Variants in AZI2 observed in about 807,000 individuals in gnomAD.
AZI2 encodes 5-azacytidine-induced protein 2.
Under a neutral mutation model 45.8 loss-of-function variants are expected in AZI2, and 22 were observed. That is an observed-to-expected ratio of 0.48 (90% CI 0.34 to 0.69). The LOEUF (loss-of-function observed/expected upper bound fraction) is 0.69. Ranked by LOEUF, AZI2 falls within the 30% of genes least tolerant of loss-of-function variation. The probability of loss-of-function intolerance (pLI) is 0.01; values close to 1 mark genes in which losing one functional copy is unlikely to be tolerated. For missense variants in AZI2, 417 were observed against 441.5 expected, an observed-to-expected ratio of 0.94 and a Z score of 0.50; for synonymous variants, 137 against 156.7, an observed-to-expected ratio of 0.87 and a Z score of 0.94.
chr3:28,324,543 C>A (rs1239664314), intron 7 of AZI2, 89 bp from the exon 8 acceptor site: 3 of 1,192,168 alleles, frequency 2.5e-6, no homozygotes, highest in Non-Finnish European at 3.3e-6. Flanking sequence ...AATTCTAGAA[C>A]TGGTGATGAA....
chr3:28,338,561 T>C lies in AZI2; in HGVS notation c.271A>G (p.Lys91Glu). The C allele has an allele frequency of 4.3e-6, 7 of 1,610,424 alleles. No individual in the cohort carries two copies. The highest frequency in any genetic ancestry group is 5.9e-6 in the Non-Finnish European group (7 of 1,177,840). ...ACCTCTCGATATGCATGATAGGCCT[T>C]ATTTACTTGTTCTCGTCCCACGGAA... ...TSSVGREQVN[K>E]AYHAYREVCI... Residue 91 changes from lysine (K) to glutamate (E), a missense_variant, in exon 3 of 8, where the codon AAG becomes GAG. Physicochemically the swap from Lys to Glu is moderately conservative, Grantham distance 56. Transcript: ENST00000479665.
intron 5 of AZI2, among the ~76,000 whole-genome samples, chr3:28,336,045 C>A (rs1344711282): frequency 6.6e-6 from 1 of 152,076 alleles, no homozygotes; most frequent in Non-Finnish European, 1.5e-5. Context: ...TTAATCTCAG[C>A]ACTGTCATGA....
At chr3:28,337,887 GA>G in intron 4 of AZI2, 49 bp downstream of exon 4, 1 of 1,210,904 alleles carries the variant, frequency 8.3e-7, no homozygotes. Context: ...CAAATAAATG[GA>G]AAAATATGTT....
rs1445857189 is a variant in AZI2, at chr3:28,335,179, CT to C, written c.588+1557del. On this transcript the variant is annotated intron_variant, in intron 5 of 7. Coordinates refer to ENST00000479665, the MANE Select transcript of AZI2 (RefSeq NM_022461.5). ...ACTTCCCAAAAGTAAAATGGTGTTC[CT>C]AATGTTAACAGTTAATAAGCAACAC... Among the ~76,000 whole-genome samples the C allele has an allele frequency of 2.0e-5, 3 of 151,920 alleles. No homozygotes were observed. In the East Asian group the frequency reaches 5.8e-4, roughly 29 times the overall value.
At chr3:28,327,045 C>T in intron 6 of AZI2, 95 bp from the exon 7 acceptor site, 5 of 841,560 alleles carry the variant, frequency 5.9e-6, no homozygotes, top group Non-Finnish European at 5.5e-6. Flanking sequence ...GTTTCTGCTC[C>T]AATTAGTTTT....
intron 2 of AZI2, 35 bp from the exon 3 acceptor site, chr3:28,338,650 G>C (rs778458585): frequency 1.5e-5 from 24 of 1,580,416 alleles, no homozygotes; most frequent in Non-Finnish European, 2.0e-5. Context: ...AAGCTTAAGA[G>C]AGTATTCTAT....
chr3:28,345,939 A>G (rs1704207726), intron 1 of AZI2, among the ~76,000 whole-genome samples: 1 of 152,054 alleles, frequency 6.6e-6, no homozygotes, highest in Non-Finnish European at 1.5e-5. Context: ...TTGATCACTT[A>G]CCATATGCCA....
chr3:28,337,227 T>G (rs1318404207), intron 4 of AZI2: 1 of 187,288 alleles, frequency 5.3e-6, no homozygotes, highest in African/African-American at 2.3e-5. Flanking sequence ...CATCCAGTCC[T>G]CTCAGAGGTA....
intron 7 of AZI2, 148 bp downstream of exon 7, chr3:28,326,683 CA>C: frequency 2.7e-6 from 2 of 740,336 alleles, no homozygotes; most frequent in Admixed American, 3.9e-5. Flanking sequence ...AGACTGAAGC[CA>C]AAGCAGAGAA....
intron 6 of AZI2, among the ~76,000 whole-genome samples, chr3:28,327,262 C>T (rs113961285): frequency 0.011 from 1,634 of 151,078 alleles, 29 homozygotes; most frequent in African/African-American, 0.038. Context: ...TAATGTGCAG[C>T]TATTAATTAG....
chr3:28,324,659 A>G (rs1433171049), intron 7 of AZI2: 1 of 417,952 alleles, frequency 2.4e-6, no homozygotes, highest in Non-Finnish European at 4.1e-6. Flanking sequence ...GTGACTTTAG[A>G]TATTTGTCTC....
At chr3:28,331,689 G>A in intron 6 of AZI2, 1 of 1,315,932 alleles carries the variant, frequency 7.6e-7, no homozygotes, top group Non-Finnish European at 9.7e-7. Context: ...AAACAATGAA[G>A]TCAGATCAGT....
At chr3:28,326,466 G>C in intron 7 of AZI2, 1 of 183,626 alleles carries the variant, frequency 5.4e-6, no homozygotes, top group Non-Finnish European at 1.1e-5. Flanking sequence ...TGTAGCACTG[G>C]AATGAAAATT....
intron 5 of AZI2, 124 bp downstream of exon 5, chr3:28,336,613 A>T: frequency 9.1e-7 from 1 of 1,096,066 alleles, no homozygotes; most frequent in Non-Finnish European, 1.2e-6. Flanking sequence ...TTTTTAAGGA[A>T]TAGAACATTC....
intron 1 of AZI2, chr3:28,348,224 G>A (rs942711884): frequency 3.9e-5 from 6 of 152,164 alleles, no homozygotes; most frequent in African/African-American, 4.8e-5. Flanking sequence ...AGGGAGTACC[G>A]TCCTAGCCAA....
intron 7 of AZI2, chr3:28,325,187 A>G (rs1419088886): frequency 6.6e-6 from 1 of 150,694 alleles, no homozygotes; most frequent in Non-Finnish European, 1.5e-5. Flanking sequence ...GGCCTAGAAA[A>G]AGACTACTTA....
intron 5 of AZI2, among the ~76,000 whole-genome samples, chr3:28,335,214 TGA>T (rs1703742962): frequency 2.0e-5 from 3 of 152,182 alleles, no homozygotes; most frequent in Non-Finnish European, 4.4e-5. Context: ...ACCAAAATTA[TGA>T]GCTAAGTTTC....
At chr3:28,339,900 T>G (rs1314808596) in intron 2 of AZI2, among the ~76,000 whole-genome samples, 1 of 152,142 alleles carries the variant, frequency 6.6e-6, no homozygotes, top group African/African-American at 2.4e-5. Flanking sequence ...GTGTCACAAT[T>G]ATACATGGAA....
At chr3:28,335,073 T>C (rs2125651454) in intron 5 of AZI2, among the ~76,000 whole-genome samples, 1 of 152,166 alleles carries the variant, frequency 6.6e-6, no homozygotes. Context: ...AGAAGACGTC[T>C]AAAGTCCCTA....
Sources: allele counts gnomAD v4.1 joint callset (sites outside exome capture counted in the v4.1 genomes callset), GRCh38; gene constraint gnomAD v4.1.1; transcripts MANE v1.5; gene names NCBI Gene and HGNC (gene_info 2026-07-23, HGNC 2026-07-21).